The following IL11RA variants were observed in gnomAD, a reference collection of about 807,000 sequenced individuals.
IL11RA encodes the protein interleukin-11 receptor subunit alpha.
In IL11RA, 51 loss-of-function variants were observed where a neutral mutation model predicts 57.0. The ratio of observed to expected loss-of-function variants is 0.89; its 90% CI spans 0.71 to 1.13. The LOEUF is 1.13. Among genes scored for constraint, IL11RA ranks in the 50% most tolerant of loss-of-function variants. The probability of loss-of-function intolerance (pLI) is 0.00; values close to 1 mark genes in which losing one functional copy is unlikely to be tolerated. For synonymous variants in IL11RA, 199 were observed against 217.5 expected (o/e 0.91, Z 0.75); for missense variants, 498 against 539.4 (o/e 0.92, Z 0.76).
At chr9:34,661,005 G>A in intron 12 of IL11RA, 69 bp downstream of exon 12, 1 of 1,262,038 alleles carries the variant, frequency 7.9e-7, no homozygotes, top group Middle Eastern at 1.9e-4. Context: ...CAGATTAAGA[G>A]CTGGCTGCCC....
Position 34,656,797 on chromosome 9 carries a change from G to A in IL11RA, c.220G>A (p.Gly74Arg), listed in dbSNP as rs1821351457. ...AAAGCTGCTCCAGGGACCTGACTCT[G>A]GGCTAGGGCATGAACTGGTCCTGGC... ...EPKLLQGPDS[G>R]LGHELVLAQA... The change falls in exon 4 of 13, where the codon GGG becomes AGG. Residue 74 changes from glycine (G) to arginine (R), a missense_variant. Gly to Arg is a moderately radical substitution (Grantham distance 125, BLOSUM62 -2). Transcript: ENST00000441545. The A allele has an allele frequency of 1.2e-6, 2 of 1,614,156 alleles. No individual in the cohort carries two copies. Among genetic ancestry groups the A allele is most frequent in the Non-Finnish European group, 1.7e-6 (2 of 1,180,024 alleles).
In IL11RA at chr9:34,660,257, G is replaced by C. The variant is rs762371218; in HGVS notation, c.953-17G>C. 3.1e-6 allele frequency: 5 copies of C among 1,614,186 alleles called. No homozygotes were observed. The South Asian group carries it at 5.5e-5, about 18-fold the overall frequency. On this transcript the variant is annotated splice_polypyrimidine_tract_variant and intron_variant, in intron 9 of 12. Coordinates refer to ENST00000441545, the MANE Select transcript of IL11RA (RefSeq NM_001142784.3). ...CCACCAGCGTATGGACACTTATTGG[G>C]TCTTGCCTTCCTTTAGGGACCATAC...
chr9:34,654,015 G>C (rs951171146), intron 1 of IL11RA: 1 of 152,784 alleles, frequency 6.5e-6, no homozygotes, highest in African/African-American at 2.4e-5. Context: ...GTGGGGCTAA[G>C]CAGGGTAAGT....
At chr9:34,655,161 A>G (rs1318128203) in intron 1 of IL11RA, 57 bp from the exon 2 acceptor site, 12 of 1,228,766 alleles carry the variant, frequency 9.8e-6, no homozygotes, top group Non-Finnish European at 1.4e-5. Context: ...AGGAAGAGCC[A>G]GGCTTTAGCC....
At chr9:34,656,065 T>C (rs868621191) in intron 3 of IL11RA, 11 of 307,604 alleles carry the variant, frequency 3.6e-5, no homozygotes, top group African/African-American at 2.4e-4. Flanking sequence ...AGAGTCTCAC[T>C]CTGTTGCCCA....
At chr9:34,659,957 T>C (rs1057315331) in intron 9 of IL11RA, 57 bp downstream of exon 9, 7 of 1,595,914 alleles carry the variant, frequency 4.4e-6, no homozygotes, top group East Asian at 2.3e-5. Context: ...ATCTATCAGC[T>C]GAACCAGTTC....
rs956728976 is a variant in IL11RA at position 34,653,708 on chromosome 9, C to T, written c.-1+1475C>T. On this transcript the variant is annotated intron_variant, in intron 1 of 12. Transcript: ENST00000441545. The surrounding 1 kb of genome is among the most constrained non-coding windows in gnomAD (Gnocchi z 4.5). ...GACAGGGACATAAGTATTAGCCACCCTCCTTTCCCTCTTGCTGGCCTTGGC... is the reference window on the plus strand; with the variant it reads ...GACAGGGACATAAGTATTAGCCACCTTCCTTTCCCTCTTGCTGGCCTTGGC... 9.2e-5 allele frequency among the ~76,000 whole-genome samples: 14 copies of T among 152,206 alleles called. No individual in the cohort carries two copies. The highest frequency in any genetic ancestry group is 1.8e-4 in the Non-Finnish European group (12 of 68,042).
chr9:34,656,826 G>A lies in IL11RA; in HGVS notation c.249G>A (p.Gln83=), dbSNP rs778429139. The A allele has an allele frequency of 6.2e-7, 1 of 1,614,182 alleles. No individual in the cohort carries two copies. The highest frequency in any genetic ancestry group is 8.5e-7 in the Non-Finnish European group (1 of 1,180,018). Residue 83 remains glutamine (Q), a synonymous_variant, in exon 4 of 13, where the codon CAG becomes CAA. Coordinates refer to ENST00000441545, the MANE Select transcript of IL11RA (RefSeq NM_001142784.3). ...TAGGGCATGAACTGGTCCTGGCCCAGGCAGACAGCACTGATGAGGGCACCT... is the reference window on the plus strand; with the variant it reads ...TAGGGCATGAACTGGTCCTGGCCCAAGCAGACAGCACTGATGAGGGCACCT... The part of the protein sequence containing the change: ...SGLGHELVLA[Q]ADSTDEGTYI...
Position 34,659,914 on chromosome 9 carries a change from C to T in IL11RA, c.952+14C>T. 1 of 1,613,704 alleles carries T rather than the reference C, an allele frequency of 6.2e-7. No homozygotes were observed. The highest frequency in any genetic ancestry group is 8.5e-7 in the Non-Finnish European group (1 of 1,179,782). On this transcript the variant is annotated intron_variant, in intron 9 of 12. Coordinates refer to ENST00000441545, the MANE Select transcript of IL11RA (RefSeq NM_001142784.3). ...CTCCGAGCACTGGTGAGAGACAAAGCCAAAGAAAAGGGCAGAGGCCCCATC... is the reference window on the plus strand; with the variant it reads ...CTCCGAGCACTGGTGAGAGACAAAGTCAAAGAAAAGGGCAGAGGCCCCATC...
In IL11RA at chr9:34,655,665, G is replaced by C; in HGVS notation, c.161G>C (p.Gly54Ala). 1 of 1,613,902 alleles carries C rather than the reference G, an allele frequency of 6.2e-7. No homozygotes were observed. ...VKLCCPGVTA[G>A]DPVSWFRDGE... Reference sequence around the variant, plus strand: ...CTGTGTTGTCCTGGAGTGACTGCCGGGTAAGTGCCCCACCTGCCTGTTGGT... The same window carrying C: ...CTGTGTTGTCCTGGAGTGACTGCCGCGTAAGTGCCCCACCTGCCTGTTGGT... Residue 54 changes from glycine to alanine, a missense_variant and splice_region_variant, in exon 3 of 13, where the codon GGG (glycine) becomes GCG (alanine). Coordinates refer to ENST00000441545, the MANE Select transcript of IL11RA (RefSeq NM_001142784.3).
chr9:34,659,924 G>A (rs1821420330), intron 9 of IL11RA, 24 bp downstream of exon 9: 1 of 1,612,770 alleles, frequency 6.2e-7, no homozygotes, highest in East Asian at 2.2e-5. Context: ...CCAAAGAAAA[G>A]GGCAGAGGCC....
At chr9:34,660,004 A>G in intron 9 of IL11RA, 104 bp downstream of exon 9, 1 of 1,414,426 alleles carries the variant, frequency 7.1e-7, no homozygotes. Context: ...CTGCCCACAC[A>G]GGCACGGCAA....
chr9:34,656,363 G>T (rs544304680), intron 3 of IL11RA, among the ~76,000 whole-genome samples: 2 of 152,300 alleles, frequency 1.3e-5, no homozygotes, highest in South Asian at 4.1e-4. Flanking sequence ...GTTAGGAAAG[G>T]TCTCTCTGAG....
Position 34,661,587 on chromosome 9 carries a change from T to A in IL11RA, c.*89T>A, listed in dbSNP as rs1821458122. ...CAGGCAGGACAGTAGATCCCTATGG[T>A]TGGATCTCAGCTGGAAGTTCTGTTT... On this transcript the variant is annotated 3_prime_UTR_variant, in exon 13 of 13. Transcript: ENST00000441545. The A allele has an allele frequency of 7.3e-7, 1 of 1,364,462 alleles. No individual in the cohort carries two copies. Among genetic ancestry groups the A allele is most frequent in the African/African-American group, 1.4e-5 (1 of 70,196 alleles). 84.5% of individuals were successfully genotyped at this position (1,364,462 alleles called of 1,614,324 possible).
rs202187277 is a variant in IL11RA, at chr9:34,657,512, T to G, written c.571T>G (p.Tyr191Asp). The change falls in exon 7 of 13, where the codon TAC becomes GAC. Residue 191 changes from tyrosine to aspartate, a missense_variant. By Grantham distance (160) the Tyr-to-Asp change is radical (BLOSUM62 -3). Transcript: ENST00000441545. Reference protein sequence around the residue: ...VVHGAEFWSQYRINVTEVNPL... With the variant: ...VVHGAEFWSQDRINVTEVNPL... ...CCACGGGGCTGAGTTCTGGAGCCAGTACCGGATTAATGTGACTGAGGTGAA... is the reference window on the plus strand; with the variant it reads ...CCACGGGGCTGAGTTCTGGAGCCAGGACCGGATTAATGTGACTGAGGTGAA... 2.5e-6 allele frequency: 4 copies of G among 1,614,184 alleles called. No individual in the cohort carries two copies. The highest frequency in any genetic ancestry group is 3.4e-6 in the Non-Finnish European group (4 of 1,180,024).
intron 1 of IL11RA, 96 bp from the exon 2 acceptor site, chr9:34,655,122 T>G (rs1821317840): frequency 2.3e-6 from 2 of 859,132 alleles, no homozygotes; most frequent in Admixed American, 2.0e-5. Flanking sequence ...GTGCATCAAT[T>G]TTTCTCCTAG....
chr9:34,655,461 C>T, intron 2 of IL11RA, 144 bp downstream of exon 2: 1 of 880,112 alleles, frequency 1.1e-6, no homozygotes, highest in Middle Eastern at 2.7e-4. Flanking sequence ...GTTCTCTGAC[C>T]TCTGTCTCCA....
Position 34,661,653 on chromosome 9 carries a change from C to A in IL11RA, c.*155C>A. Reference sequence around the variant, plus strand: ...GAGACCCTGTATTTCAAATTTGCAGCTGAAAGGTGCTTGTACCTCTGATTT... The same window carrying A: ...GAGACCCTGTATTTCAAATTTGCAGATGAAAGGTGCTTGTACCTCTGATTT... On this transcript the variant is annotated 3_prime_UTR_variant, in exon 13 of 13. Coordinates refer to ENST00000441545, the MANE Select transcript of IL11RA (RefSeq NM_001142784.3). The A allele has an allele frequency of 1.2e-6, 1 of 859,262 alleles. No individual in the cohort carries two copies. The highest frequency in any genetic ancestry group is 1.9e-6 in the Non-Finnish European group (1 of 517,406). 53.2% of individuals were successfully genotyped at this position (859,262 alleles called of 1,614,324 possible). A position where few individuals can be genotyped will look rare whatever the true frequency, so the allele number is the denominator to read the frequency against.
At position 34,655,331 on chromosome 9, in the gene IL11RA, T is replaced by C; in HGVS notation, c.100+14T>C. On this transcript the variant is annotated intron_variant, in intron 2 of 12. Coordinates refer to ENST00000441545, the MANE Select transcript of IL11RA (RefSeq NM_001142784.3). ...GGGGCCCCCCAGGTGAGAAGAACCC[T>C]GCTCTACAACCTCCCAACTCTGACT... The C allele has an allele frequency of 6.9e-7, 1 of 1,442,196 alleles. No individual in the cohort carries two copies. Among genetic ancestry groups the C allele is most frequent in the Non-Finnish European group, 9.7e-7 (1 of 1,029,636 alleles). 89.3% of individuals were successfully genotyped at this position (1,442,196 alleles called of 1,614,324 possible).
Sources: allele counts gnomAD v4.1 joint callset (sites outside exome capture counted in the v4.1 genomes callset), GRCh38; gene constraint gnomAD v4.1.1; non-coding constraint Gnocchi (gnomAD v3.1); transcripts MANE v1.5; gene names NCBI Gene and HGNC (gene_info 2026-07-23, HGNC 2026-07-21).